Variants in TMEM232 observed in about 807,000 individuals in gnomAD.
The protein encoded by TMEM232 is transmembrane protein 232.
Under a neutral mutation model 78.8 loss-of-function variants are expected in TMEM232, and 80 were observed. That is an observed-to-expected ratio of 1.01 (90% CI 0.85 to 1.22). The LOEUF (loss-of-function observed/expected upper bound fraction) is 1.22, where lower values mean the gene tolerates loss of function less well. TMEM232 is among the 50% of genes most tolerant of loss of function. The pLI is 0.00. For synonymous variants in TMEM232, 297 were observed against 254.3 expected (o/e 1.17, Z -1.60); for missense variants, 881 against 742.2 (o/e 1.19, Z -2.17).
intron 12 of TMEM232, among the ~76,000 whole-genome samples, chr5:110,476,444 C>T (rs1050959331): frequency 6.6e-5 from 10 of 151,974 alleles, no homozygotes; most frequent in Non-Finnish European, 1.2e-4. Context: ...TTATCTTGAA[C>T]TTCCAGCATC....
intron 10 of TMEM232, among the ~76,000 whole-genome samples, chr5:110,574,180 T>C (rs1376423758): frequency 6.6e-6 from 1 of 152,116 alleles, no homozygotes; most frequent in East Asian, 1.9e-4. Context: ...ATTAGCTCTC[T>C]AGACTTGTTC....
intron 2 of TMEM232, among the ~76,000 whole-genome samples, chr5:110,661,417 C>A (rs55974306): frequency 1.6e-5 from 1 of 64,040 alleles, no homozygotes; most frequent in East Asian, 9.1e-4. Flanking sequence ...TCTCAAGTAA[C>A]CCCCCCCACC....
At chr5:110,670,042 A>C (rs1456682335) in intron 1 of TMEM232, among the ~76,000 whole-genome samples, 3 of 152,142 alleles carry the variant, frequency 2.0e-5, no homozygotes, top group Admixed American at 6.6e-5. Flanking sequence ...ATGGGCAAAA[A>C]CTGGAAGCAT....
intron 4 of TMEM232, among the ~76,000 whole-genome samples, chr5:110,639,366 T>C (rs1786350569): frequency 6.6e-6 from 1 of 152,216 alleles, no homozygotes; most frequent in African/African-American, 2.4e-5. Flanking sequence ...AAAATCCTTC[T>C]GCTGTATGTA....
At chr5:110,718,048 G>A (rs550912103) in intron 1 of TMEM232, among the ~76,000 whole-genome samples, 1 of 151,722 alleles carries the variant, frequency 6.6e-6, no homozygotes, top group Non-Finnish European at 1.5e-5. Context: ...GAATATTTTT[G>A]GTCTTTAATT....
chr5:110,624,890 AGTT>A (rs1016348215), intron 7 of TMEM232, among the ~76,000 whole-genome samples: 5 of 151,952 alleles, frequency 3.3e-5, no homozygotes, highest in East Asian at 1.9e-4. Context: ...CTTTTTTAGA[AGTT>A]GTTAAGAAAA....
chr5:110,567,283 T>C (rs1776448384), intron 11 of TMEM232, among the ~76,000 whole-genome samples: 1 of 151,676 alleles, frequency 6.6e-6, no homozygotes, highest in Admixed American at 6.6e-5. Flanking sequence ...ATTATTTTTA[T>C]TTTTATCTTA....
At chr5:110,647,251 T>C (rs1787624628) in intron 2 of TMEM232, among the ~76,000 whole-genome samples, 1 of 151,916 alleles carries the variant, frequency 6.6e-6, no homozygotes, top group Non-Finnish European at 1.5e-5. Context: ...TGACTGCGCA[T>C]GTGGTATTGA....
At chr5:110,649,880 T>C (rs1412191533) in intron 2 of TMEM232, among the ~76,000 whole-genome samples, 1 of 152,162 alleles carries the variant, frequency 6.6e-6, no homozygotes, top group African/African-American at 2.4e-5. Flanking sequence ...CCAGACTTCC[T>C]GTGGTTTGAA....
chr5:110,711,537 A>G (rs148206568), intron 1 of TMEM232, among the ~76,000 whole-genome samples: 1,845 of 152,250 alleles, frequency 0.012, 45 homozygotes, highest in African/African-American at 0.042. Flanking sequence ...AATATACTTC[A>G]AATTATACTA....
At chr5:110,392,670 T>C (rs1181682437) in intron 3 of TMEM232, among the ~76,000 whole-genome samples, 2 of 152,160 alleles carry the variant, frequency 1.3e-5, no homozygotes, top group Non-Finnish European at 2.9e-5. Flanking sequence ...AATGACATCA[T>C]GAGGGCCCTA....
chr5:110,502,853 A>G (rs1040971449), intron 12 of TMEM232, among the ~76,000 whole-genome samples: 23 of 152,184 alleles, frequency 1.5e-4, no homozygotes, highest in African/African-American at 4.6e-4. Context: ...GCCTCCACTT[A>G]AAAATCCTTT....
chr5:110,698,533 G>C (rs1235519024), intron 1 of TMEM232, among the ~76,000 whole-genome samples: 27 of 152,032 alleles, frequency 1.8e-4, no homozygotes, highest in Non-Finnish European at 1.0e-4. Flanking sequence ...CCAGATTCAG[G>C]GACACACAGG....
intron 10 of TMEM232, among the ~76,000 whole-genome samples, chr5:110,595,767 G>C (rs563238844): frequency 5.3e-5 from 8 of 152,210 alleles, no homozygotes; most frequent in African/African-American, 1.9e-4. Flanking sequence ...CAAGAGATGT[G>C]GGACCATGTG....
At chr5:110,626,311 G>A (rs1305523061) in intron 6 of TMEM232, among the ~76,000 whole-genome samples, 1 of 151,924 alleles carries the variant, frequency 6.6e-6, no homozygotes, top group Admixed American at 6.6e-5. Context: ...TCACTATGCT[G>A]AACACTGTGA....
downstream of TMEM232, among the ~76,000 whole-genome samples, chr5:110,415,709 T>C (rs939777550): frequency 6.6e-6 from 1 of 152,128 alleles, no homozygotes; most frequent in African/African-American, 2.4e-5. Flanking sequence ...GAGCTAGAGA[T>C]TAACCGATTG....
intron 11 of TMEM232, among the ~76,000 whole-genome samples, chr5:110,529,329 T>C (rs1771085243): frequency 6.6e-6 from 1 of 152,074 alleles, no homozygotes; most frequent in Non-Finnish European, 1.5e-5. Context: ...CACTGCAACC[T>C]CCATCTCCTG....
chr5:110,453,287 T>C (rs542918700), intron 12 of TMEM232, among the ~76,000 whole-genome samples: 2 of 152,128 alleles, frequency 1.3e-5, no homozygotes, highest in Non-Finnish European at 2.9e-5. Flanking sequence ...TTCTACCGCA[T>C]ACTTTTTTAA....
intron 2 of TMEM232, among the ~76,000 whole-genome samples, chr5:110,409,280 G>C (rs1249960943): frequency 6.6e-6 from 1 of 151,978 alleles, no homozygotes; most frequent in Non-Finnish European, 1.5e-5. Flanking sequence ...AATCTTTTTG[G>C]AGACATTTTA....
Sources: allele counts gnomAD v4.1 joint callset (sites outside exome capture counted in the v4.1 genomes callset), GRCh38; gene constraint gnomAD v4.1.1; transcripts MANE v1.5; gene names NCBI Gene and HGNC (gene_info 2026-07-23, HGNC 2026-07-21).